Variants in WWC1 observed in about 807,000 individuals in gnomAD.
WWC1 encodes the protein WW and C2 domain containing 1.
A neutral mutation model predicts 138.4 loss-of-function variants in WWC1; 55 were observed. That is an observed-to-expected ratio of 0.40 (90% confidence interval 0.32 to 0.50). WWC1 has a LOEUF of 0.50. Among genes scored for constraint, WWC1 ranks in the 20% least tolerant of loss-of-function variants. The pLI is 0.72. For missense variants in WWC1, 1,226 were observed against 1,420.4 expected, an observed-to-expected ratio of 0.86 and a Z score of 2.20; for synonymous variants, 524 against 564.9, an observed-to-expected ratio of 0.93 and a Z score of 1.03.
intron 15 of WWC1, among the ~76,000 whole-genome samples, chr5:168,434,976 C>T (rs945080387): frequency 3.3e-5 from 5 of 152,166 alleles, no homozygotes; most frequent in African/African-American, 9.7e-5. Flanking sequence ...AACTCTCCAC[C>T]CCCTCCTCTC....
In WWC1 at chr5:168,385,358, A is replaced by G. The variant is rs1777966282; in HGVS notation, c.377A>G (p.Gln126Arg). The G allele has an allele frequency of 1.9e-6, 3 of 1,614,018 alleles. No homozygotes were observed. The highest frequency in any genetic ancestry group is 2.5e-6 in the Non-Finnish European group (3 of 1,180,030). ...VKQQRLELAQ[Q>R]EYQQLHAVWE... is the part of the protein sequence containing the mutation. The stretch of plus-strand genomic sequence containing the variant: ...CAGCAGCGCCTGGAGCTTGCACAGC[A>G]GGAGTACCAGCAACTGCATGCCGTC... The change falls in exon 3 of 23, where the codon CAG becomes CGG. Residue 126 changes from glutamine to arginine, a missense_variant. By Grantham distance (43) the Gln-to-Arg change is conservative. This residue lies in a region of WWC1 where 1,016 missense variants were observed against 1,153.9 expected (regional missense o/e 0.88). Transcript: ENST00000265293.
chr5:168,308,407 C>T (rs908707090), intron 1 of WWC1, among the ~76,000 whole-genome samples: 1 of 152,206 alleles, frequency 6.6e-6, no homozygotes, highest in African/African-American at 2.4e-5. Flanking sequence ...TTAGAAAGTT[C>T]TGTAGTCAGA....
intron 16 of WWC1, among the ~76,000 whole-genome samples, chr5:168,442,457 A>AAG (rs1554113646): frequency 2.0e-5 from 3 of 149,298 alleles, no homozygotes; most frequent in African/African-American, 7.4e-5. Flanking sequence ...AAAAAAAAAA[A>AAG]TTTAATTAAA....
At chr5:168,403,070 CTTTCTTTCTTTTCTTTCT>C (rs1554104764) in intron 5 of WWC1, among the ~76,000 whole-genome samples, 1 of 86,828 alleles carries the variant, frequency 1.2e-5, no homozygotes, top group Admixed American at 1.1e-4. Context: ...TTCTTTCTTT[CTTTCTTTCTTTTCTTTCT>C]TTTCTTTCTT....
chr5:168,424,455 C>T (rs1421000978), intron 11 of WWC1, among the ~76,000 whole-genome samples: 1 of 152,144 alleles, frequency 6.6e-6, no homozygotes, highest in Non-Finnish European at 1.5e-5. Flanking sequence ...AGCTTATGTT[C>T]AAATGGAGGC....
At chr5:168,467,641 T>G (rs1757411410) in intron 21 of WWC1, 199 bp from the exon 22 acceptor site, 2 of 739,212 alleles carry the variant, frequency 2.7e-6, no homozygotes. Flanking sequence ...GTTATTCCGT[T>G]TCCTGGCCCC....
chr5:168,291,929 A>T lies in WWC1; in HGVS notation c.-224A>T, dbSNP rs1769081314. On this transcript the variant is annotated 5_prime_UTR_variant, in exon 1 of 23. Transcript: ENST00000265293. The stretch of plus-strand genomic sequence containing the variant: ...CTGCGGACGCACATGGCAGCGTGAG[A>T]GGCCGGCGGCGGGAGGAGCGGGCGG... The T allele has an allele frequency of 3.8e-6, 1 of 264,960 alleles. No homozygotes were observed. The highest frequency in any genetic ancestry group is 5.7e-5 in the Admixed American group (1 of 17,660). 16.4% of individuals were successfully genotyped at this position (264,960 alleles called of 1,614,324 possible).
Position 168,385,247 on chromosome 5 carries a change from G to A in WWC1, c.266G>A (p.Arg89Gln), listed in dbSNP as rs545162323. 28 of 1,613,976 alleles carry A rather than the reference G, an allele frequency of 1.7e-5. No homozygotes were observed. The highest frequency in any genetic ancestry group is 8.0e-5 in the African/African-American group (6 of 74,870). ...ATTGAGGATCCTCGAGTACAATGGC[G>A]GCGGGAGCAGGAACATATGCTGAAG... ...TQIEDPRVQW[R>Q]REQEHMLKDY... The change falls in exon 3 of 23, where the codon CGG (arginine) becomes CAG (glutamine). Residue 89 changes from arginine (R) to glutamine (Q), a missense_variant. Around this residue, in one of 3 missense-constraint regions of WWC1, gnomAD observed 1,016 missense variants for 1,153.9 expected, o/e 0.88. Coordinates refer to ENST00000265293, the MANE Select transcript of WWC1 (RefSeq NM_015238.3).
intron 1 of WWC1, among the ~76,000 whole-genome samples, chr5:168,366,376 A>G (rs1776291726): frequency 1.3e-5 from 2 of 152,202 alleles, no homozygotes; most frequent in Admixed American, 1.3e-4. Flanking sequence ...TTTCCCATGG[A>G]AGAGCTCTGG....
intron 1 of WWC1, among the ~76,000 whole-genome samples, chr5:168,303,030 T>G (rs939408791): frequency 7.2e-5 from 11 of 152,158 alleles, no homozygotes; most frequent in Admixed American, 5.9e-4. Flanking sequence ...ACCCAACTCA[T>G]ACCAACCAAC....
intron 16 of WWC1, among the ~76,000 whole-genome samples, chr5:168,443,168 T>C (rs984281502): frequency 1.2e-4 from 18 of 152,338 alleles, no homozygotes; most frequent in Middle Eastern, 3.4e-3. Flanking sequence ...CCTCTGTCGA[T>C]ACTTGGTTAG....
chr5:168,389,499 G>C (rs1270388717), intron 3 of WWC1, among the ~76,000 whole-genome samples: 1 of 150,650 alleles, frequency 6.6e-6, no homozygotes, highest in East Asian at 1.9e-4. Context: ...AGTGGGAGGT[G>C]GCAGCTGGAC....
intron 15 of WWC1, among the ~76,000 whole-genome samples, chr5:168,438,154 T>C (rs7722438): frequency 0.15 from 22,587 of 152,068 alleles, 1,828 homozygotes; most frequent in African/African-American, 0.21. Context: ...CTTTCTTCCT[T>C]TCCCCACTCA....
intron 1 of WWC1, among the ~76,000 whole-genome samples, chr5:168,336,824 C>T (rs1773510894): frequency 6.6e-6 from 1 of 152,134 alleles, no homozygotes; most frequent in Admixed American, 6.5e-5. Flanking sequence ...ATCACTGCAC[C>T]TGTGGTCTAT....
intron 1 of WWC1, among the ~76,000 whole-genome samples, chr5:168,324,214 T>C (rs1448877212): frequency 6.6e-6 from 1 of 152,150 alleles, no homozygotes; most frequent in Non-Finnish European, 1.5e-5. Flanking sequence ...GGCGAGCGGA[T>C]CATGACGTCA....
intron 1 of WWC1, among the ~76,000 whole-genome samples, chr5:168,297,626 CAA>C (rs70976474): frequency 9.5e-4 from 52 of 54,756 alleles, no homozygotes; most frequent in East Asian, 1.7e-3. Flanking sequence ...AACTCCATCT[CAA>C]AAAAAAAAAA....
At chr5:168,424,198 A>C in intron 11 of WWC1, 130 bp downstream of exon 11, 4 of 1,172,760 alleles carry the variant, frequency 3.4e-6, no homozygotes, top group Non-Finnish European at 4.7e-6. Flanking sequence ...TTTGTATGGC[A>C]AGTATATTTA....
Position 168,469,064 on chromosome 5 carries a change from T to C in WWC1, c.*47T>C, listed in dbSNP as rs201928379. ...TGTTCCACTGACCAGGCTGTGAACA[T>C]TGACTGTGGCTAAAGTTATTTATGT... is the stretch of plus-strand genomic sequence containing the variant. On this transcript the variant is annotated 3_prime_UTR_variant, in exon 23 of 23. Coordinates refer to ENST00000265293, the MANE Select transcript of WWC1 (RefSeq NM_015238.3). The C allele has an allele frequency of 2.5e-6, 4 of 1,606,860 alleles. No individual in the cohort carries two copies. The highest frequency in any genetic ancestry group is 3.3e-5 in the Admixed American group (2 of 60,010).
intron 3 of WWC1, among the ~76,000 whole-genome samples, chr5:168,395,306 G>A (rs957616395): frequency 8.5e-5 from 13 of 152,182 alleles, no homozygotes; most frequent in Non-Finnish European, 5.9e-5. Context: ...GACGTCCCCC[G>A]CTCCGCCCCA....
Sources: gnomAD v4.1 joint callset for allele counts (sites outside exome capture counted in the v4.1 genomes callset) on GRCh38, gnomAD v4.1.1 for gene constraint, gnomAD v4.1.1 regional missense constraint, MANE v1.5 for transcripts, NCBI Gene and HGNC (gene_info 2026-07-23, HGNC 2026-07-21) for gene names.